Variants in CSNK1G3 observed in about 807,000 individuals in gnomAD.
The protein encoded by CSNK1G3 is casein kinase I isoform gamma-3.
In CSNK1G3, 23 loss-of-function variants were observed where a neutral mutation model predicts 64.3. The observed-to-expected ratio is 0.36, with a 90% CI of 0.26 to 0.51. CSNK1G3 has a LOEUF of 0.51. Among genes scored for constraint, CSNK1G3 ranks in the 20% least tolerant of loss-of-function variants. The probability of loss-of-function intolerance (pLI) is 0.96; values close to 1 mark genes in which losing one functional copy is unlikely to be tolerated. For missense variants in CSNK1G3, 357 were observed against 510.5 expected, an observed-to-expected ratio of 0.70 and a Z score of 2.90; for synonymous variants, 158 against 162.2, an observed-to-expected ratio of 0.97 and a Z score of 0.20.
intron 1 of CSNK1G3, among the ~76,000 whole-genome samples, chr5:123,527,805 A>C (rs1222053256): frequency 6.6e-6 from 1 of 152,214 alleles, no homozygotes; most frequent in African/African-American, 2.4e-5. Flanking sequence ...ATACTGAAGC[A>C]TACCCTTTTA....
intron 1 of CSNK1G3, among the ~76,000 whole-genome samples, chr5:123,517,269 ATTC>A (rs1045894776): frequency 9.2e-5 from 14 of 152,214 alleles, no homozygotes; most frequent in African/African-American, 2.4e-4. Flanking sequence ...ACAGTAGACT[ATTC>A]TTTAGTTTTA....
At chr5:123,614,037 CAG>C (rs1749012524) in intron 12 of CSNK1G3, among the ~76,000 whole-genome samples, 1 of 152,080 alleles carries the variant, frequency 6.6e-6, no homozygotes, top group Non-Finnish European at 1.5e-5. Flanking sequence ...ATATAAATAT[CAG>C]GGAGAAAGGG....
chr5:123,559,332 A>G (rs1785227240), intron 4 of CSNK1G3, among the ~76,000 whole-genome samples: 1 of 152,174 alleles, frequency 6.6e-6, no homozygotes, highest in South Asian at 2.1e-4. Flanking sequence ...TTAGTTAGAA[A>G]TGAGTTAGTC....
At chr5:123,574,910 CATTA>C (rs1245384303) in intron 5 of CSNK1G3, among the ~76,000 whole-genome samples, 2 of 152,074 alleles carry the variant, frequency 1.3e-5, no homozygotes, top group African/African-American at 4.8e-5. Context: ...ATGCTCATAT[CATTA>C]ATTAAGAATA....
At chr5:123,574,669 TA>T (rs962798333) in intron 5 of CSNK1G3, among the ~76,000 whole-genome samples, 47 of 143,732 alleles carry the variant, frequency 3.3e-4, no homozygotes, top group Admixed American at 4.2e-4. Context: ...AAAATAAAAA[TA>T]AAAAAAAAAA....
intron 6 of CSNK1G3, among the ~76,000 whole-genome samples, chr5:123,586,261 TG>T (rs1037832049): frequency 6.6e-6 from 1 of 152,098 alleles, no homozygotes; most frequent in Non-Finnish European, 1.5e-5. Flanking sequence ...GATGGTATTG[TG>T]GGGGTTGGGG....
At chr5:123,592,212 C>T (rs1383289159) in intron 10 of CSNK1G3, among the ~76,000 whole-genome samples, 1 of 151,834 alleles carries the variant, frequency 6.6e-6, no homozygotes, top group East Asian at 1.9e-4. Flanking sequence ...AAGATAAGGG[C>T]ATTTTGGGGA....
intron 2 of CSNK1G3, among the ~76,000 whole-genome samples, chr5:123,547,537 T>C (rs974588732): frequency 6.6e-6 from 1 of 152,152 alleles, no homozygotes; most frequent in African/African-American, 2.4e-5. Flanking sequence ...ATGTACCATA[T>C]ACTGAAGCTA....
Position 123,549,948 on chromosome 5 carries a change from C to G in CSNK1G3, c.179-3159C>G, listed in dbSNP as rs575943430. Among the ~76,000 whole-genome samples, 4 of 152,140 alleles carry G rather than the reference C, an allele frequency of 2.6e-5. No individual in the cohort carries two copies. In the East Asian group the frequency reaches 5.8e-4, roughly 22 times the overall value. On this transcript the variant is annotated intron_variant, in intron 2 of 12. Coordinates refer to ENST00000345990, the Ensembl canonical transcript of CSNK1G3. The stretch of plus-strand genomic sequence containing the variant: ...ATCTCTTATTTTTGTTTTTTCTTTT[C>G]TTATTCCTACATAGCTAATAACTCC...
intron 1 of CSNK1G3, among the ~76,000 whole-genome samples, chr5:123,534,958 A>G (rs940556265): frequency 5.3e-5 from 8 of 152,322 alleles, no homozygotes; most frequent in Non-Finnish European, 7.4e-5. Context: ...TTTCTCATCT[A>G]ATTTGAGAAC....
At chr5:123,573,400 A>T in exon 5 of CSNK1G3, 1 of 1,613,848 alleles carries the variant, frequency 6.2e-7, no homozygotes, top group Non-Finnish European at 8.5e-7. Context: ...CAGATGGTAT[A>T]CCTCAAGTTT....
intron 4 of CSNK1G3, among the ~76,000 whole-genome samples, chr5:123,560,311 G>A (rs1258276240): frequency 2.0e-5 from 3 of 152,130 alleles, no homozygotes; most frequent in Non-Finnish European, 4.4e-5. Context: ...ATTGTATGTT[G>A]ATTCTTCAGA....
chr5:123,543,727 A>G (rs1361975923), intron 1 of CSNK1G3, among the ~76,000 whole-genome samples: 1 of 152,034 alleles, frequency 6.6e-6, no homozygotes, highest in Non-Finnish European at 1.5e-5. Flanking sequence ...GCTGCCTTTT[A>G]TTTGATGCTT....
At chr5:123,595,219 A>G in intron 10 of CSNK1G3, 85 bp downstream of exon 11, 2 of 1,220,794 alleles carry the variant, frequency 1.6e-6, no homozygotes, top group Admixed American at 2.1e-5. Flanking sequence ...ATGATTTCAT[A>G]TCTTAATGGA....
At chr5:123,514,518 G>A (rs1442365257) in intron 1 of CSNK1G3, among the ~76,000 whole-genome samples, 1 of 152,178 alleles carries the variant, frequency 6.6e-6, no homozygotes, top group East Asian at 1.9e-4. Flanking sequence ...ACTCAGTACT[G>A]CCTTCAAGGG....
chr5:123,570,302 G>C (rs560922251), intron 4 of CSNK1G3, among the ~76,000 whole-genome samples: 186 of 150,894 alleles, frequency 1.2e-3, no homozygotes, highest in South Asian at 2.9e-3. Flanking sequence ...TGGGAATATA[G>C]ATGGTGATTC....
At chr5:123,522,513 AAG>A (rs1378934126) in intron 1 of CSNK1G3, among the ~76,000 whole-genome samples, 5 of 151,724 alleles carry the variant, frequency 3.3e-5, no homozygotes, top group South Asian at 4.2e-4. Context: ...AAAAAAAAAA[AAG>A]AAAAAAAAAA....
chr5:123,577,200 C>G (rs1257101136), intron 6 of CSNK1G3, among the ~76,000 whole-genome samples: 1 of 151,998 alleles, frequency 6.6e-6, no homozygotes, highest in East Asian at 1.9e-4. Context: ...AGTTTCTCTT[C>G]TGCAGCCCCA....
At chr5:123,585,438 A>T (rs982068139) in intron 6 of CSNK1G3, among the ~76,000 whole-genome samples, 1 of 152,162 alleles carries the variant, frequency 6.6e-6, no homozygotes, top group Non-Finnish European at 1.5e-5. Flanking sequence ...ATCAAAAAGT[A>T]TAGAAAATAA....
Sources: allele counts gnomAD v4.1 joint callset (sites outside exome capture counted in the v4.1 genomes callset), GRCh38; gene constraint gnomAD v4.1.1; transcripts MANE v1.5; gene names NCBI Gene and HGNC (gene_info 2026-07-23, HGNC 2026-07-21).